The following STAT3 variants were observed in gnomAD, a reference collection of about 807,000 sequenced individuals.
STAT3 encodes the protein DNA-binding protein APRF.
In STAT3, 7 loss-of-function variants were observed where a neutral mutation model predicts 114.3. The ratio of observed to expected loss-of-function variants is 0.06; its 90% CI spans 0.03 to 0.11. The LOEUF (loss-of-function observed/expected upper bound fraction) is 0.11. Among genes scored for constraint, STAT3 ranks in the 10% least tolerant of loss-of-function variants. STAT3 has a pLI of 1.00. For synonymous variants in STAT3, 331 were observed against 354.5 expected, an observed-to-expected ratio of 0.93 and a Z score of 0.74; for missense variants, 364 against 960.9, an observed-to-expected ratio of 0.38 and a Z score of 8.21.
At chr17:42,322,053 G>C (rs1261674215) in intron 21 of STAT3, among the ~76,000 whole-genome samples, 1 of 151,990 alleles carries the variant, frequency 6.6e-6, no homozygotes, top group Non-Finnish European at 1.5e-5. Flanking sequence ...CCCCTCTTTA[G>C]ACTCATGCAC....
chr17:42,319,541 CAAAAA>C (rs552897255), intron 21 of STAT3, among the ~76,000 whole-genome samples: 8 of 43,852 alleles, frequency 1.8e-4, no homozygotes, highest in South Asian at 8.8e-4. Context: ...GACTCAGGCT[CAAAAA>C]AAAAAAAAAA....
chr17:42,327,140 T>C (rs1442047967), intron 14 of STAT3, among the ~76,000 whole-genome samples: 5 of 152,206 alleles, frequency 3.3e-5, no homozygotes, highest in Non-Finnish European at 1.5e-5. Context: ...AACCCACCAT[T>C]CAATTTAAGG....
intron 13 of STAT3, 36 bp downstream of exon 13, chr17:42,329,518 A>G: frequency 6.2e-7 from 1 of 1,614,170 alleles, no homozygotes; most frequent in Non-Finnish European, 8.5e-7. Flanking sequence ...TCCGGCAGCC[A>G]GAGGCCCTTT....
chr17:42,318,077 C>T (rs1369303335), intron 21 of STAT3, among the ~76,000 whole-genome samples: 1 of 152,066 alleles, frequency 6.6e-6, no homozygotes, highest in Non-Finnish European at 1.5e-5. Flanking sequence ...CTTAGGCTCC[C>T]AAGCAGCTGG....
At chr17:42,343,289 T>C (rs1262154838) in intron 4 of STAT3, among the ~76,000 whole-genome samples, 1 of 151,768 alleles carries the variant, frequency 6.6e-6, no homozygotes, top group Non-Finnish European at 1.5e-5. Flanking sequence ...ATGTCCCTGA[T>C]TATAGGATAT....
intron 3 of STAT3, among the ~76,000 whole-genome samples, chr17:42,346,190 T>C (rs2082693258): frequency 6.6e-6 from 1 of 152,192 alleles, no homozygotes; most frequent in African/African-American, 2.4e-5. Context: ...TGTCTGAGTC[T>C]TTACACAGTA....
intron 22 of STAT3, 52 bp from the exon 23 acceptor site, chr17:42,316,953 A>G: frequency 6.3e-7 from 1 of 1,579,436 alleles, no homozygotes; most frequent in Non-Finnish European, 8.6e-7. Context: ...GACAAGACAC[A>G]ATGGAAAAAA....
At chr17:42,341,987 T>C (rs1314574850) in intron 4 of STAT3, among the ~76,000 whole-genome samples, 3 of 152,100 alleles carry the variant, frequency 2.0e-5, no homozygotes, top group Non-Finnish European at 2.9e-5. Context: ...CCATGGTAAG[T>C]TGGAGCCTCT....
intron 11 of STAT3, 137 bp from the exon 12 acceptor site, chr17:42,329,913 G>T: frequency 3.0e-6 from 3 of 1,015,312 alleles, no homozygotes; most frequent in South Asian, 1.4e-5. Flanking sequence ...AGTTACAGTT[G>T]ATCAGCGCAA....
intron 1 of STAT3, among the ~76,000 whole-genome samples, chr17:42,356,713 C>CT (rs2083248081): frequency 6.6e-6 from 1 of 152,116 alleles, no homozygotes; most frequent in Non-Finnish European, 1.5e-5. Flanking sequence ...AGCGACCCTC[C>CT]TGTTTTGGCC....
chr17:42,349,264 C>G (rs188277820), intron 1 of STAT3, among the ~76,000 whole-genome samples: 3 of 152,326 alleles, frequency 2.0e-5, no homozygotes, highest in African/African-American at 7.2e-5. Flanking sequence ...ACTTAACTCC[C>G]AGATTTCTAT....
At chr17:42,330,897 G>A (rs949844697) in intron 11 of STAT3, among the ~76,000 whole-genome samples, 2 of 152,066 alleles carry the variant, frequency 1.3e-5, no homozygotes, top group Admixed American at 6.6e-5. Flanking sequence ...CGACGTTTCG[G>A]TCAACAACAA....
intron 15 of STAT3, 75 bp downstream of exon 15, chr17:42,326,040 TA>T: frequency 1.5e-6 from 2 of 1,307,698 alleles, no homozygotes; most frequent in Middle Eastern, 1.8e-4. Context: ...CCTTCTCTTG[TA>T]AAAATCCCAG....
At chr17:42,315,840 C>A (rs778924760) in intron 23 of STAT3, 40 bp from the exon 24 acceptor site, 13 of 1,613,604 alleles carry the variant, frequency 8.1e-6, no homozygotes, top group African/African-American at 1.3e-5. Context: ...AGTTGTCCAC[C>A]CTCTGCAACT....
chr17:42,378,506 C>A (rs1389402532), intron 1 of STAT3, among the ~76,000 whole-genome samples: 1 of 151,730 alleles, frequency 6.6e-6, no homozygotes, highest in African/African-American at 2.4e-5. Context: ...CTTGGTCTCC[C>A]AAAGTGCTGG....
chr17:42,315,699 G>A lies in STAT3; in HGVS notation c.*46C>T. 6.3e-7 allele frequency: 1 copy of A among 1,585,712 alleles called. No individual in the cohort carries two copies. The highest frequency in any genetic ancestry group is 8.7e-7 in the Non-Finnish European group (1 of 1,154,172). On this transcript the variant is annotated 3_prime_UTR_variant, in exon 24 of 24. Transcript: ENST00000264657. ...CTGTGTGAGGGGTGGCAGAATGCAG[G>A]TAGGCGCCTCAGTCGTATCTTTCTG...
intron 2 of STAT3, among the ~76,000 whole-genome samples, chr17:42,347,546 G>A (rs2082754160): frequency 6.6e-6 from 1 of 152,208 alleles, no homozygotes; most frequent in South Asian, 2.1e-4. Context: ...TCTGCTCTAT[G>A]AATGGAATCT....
chr17:42,381,000 C>G (rs1428931471), intron 1 of STAT3, among the ~76,000 whole-genome samples: 1 of 152,212 alleles, frequency 6.6e-6, no homozygotes, highest in Non-Finnish European at 1.5e-5. Context: ...TATGCATCAT[C>G]TTGCTTCATC....
At chr17:42,328,545 C>A (rs1350510560) in intron 14 of STAT3, among the ~76,000 whole-genome samples, 1 of 152,176 alleles carries the variant, frequency 6.6e-6, no homozygotes, top group Non-Finnish European at 1.5e-5. Context: ...GTAACTGGGA[C>A]TACAGGCGTG....
Sources: gnomAD v4.1 joint callset for allele counts (sites outside exome capture counted in the v4.1 genomes callset) on GRCh38, gnomAD v4.1.1 for gene constraint, MANE v1.5 for transcripts, NCBI Gene and HGNC (gene_info 2026-07-23, HGNC 2026-07-21) for gene names.